PHKA1: variants seen among roughly 807,000 people sequenced by gnomAD.
PHKA1 encodes the protein phosphorylase b kinase regulatory subunit alpha, skeletal muscle isoform.
PHKA1 carries 60 observed loss-of-function variants against 110.2 expected under a neutral mutation model. The observed-to-expected ratio is 0.54, with a 90% CI of 0.44 to 0.68. The LOEUF (loss-of-function observed/expected upper bound fraction) is 0.68. Among genes scored for constraint, PHKA1 ranks in the 30% least tolerant of loss-of-function variants. PHKA1 has a pLI of 0.00. For synonymous variants in PHKA1, 316 were observed against 333.6 expected, an observed-to-expected ratio of 0.95 and a Z score of 0.58; for missense variants, 801 against 942.5, an observed-to-expected ratio of 0.85 and a Z score of 1.97.
intron 6 of PHKA1, among the ~76,000 whole-genome samples, chrX:72,674,626 T>C (rs1255051008): frequency 8.9e-6 from 1 of 112,028 alleles, no homozygotes; most frequent in African/African-American, 3.3e-5. Flanking sequence ...TGTCTGTTCA[T>C]ATCTGAAGGG....
At chrX:72,632,972 A>C (rs1199051950) in intron 16 of PHKA1, among the ~76,000 whole-genome samples, 1 of 112,235 alleles carries the variant, frequency 8.9e-6, no homozygotes, top group Non-Finnish European at 1.9e-5. Context: ...ATCAAGTACC[A>C]AAAATGCTTG....
chrX:72,644,214 A>C, intron 14 of PHKA1, 148 bp downstream of exon 14: 1 of 612,569 alleles, frequency 1.6e-6, no homozygotes, highest in Admixed American at 2.8e-5. Flanking sequence ...AGAATAGAGA[A>C]GGTAAGAAAA....
chrX:72,585,629 C>T (rs1300991287), intron 29 of PHKA1, among the ~76,000 whole-genome samples: 5 of 111,999 alleles, frequency 4.5e-5, no homozygotes, highest in East Asian at 2.8e-4. Context: ...TCACCTCACC[C>T]GGGAAGCGCA....
At chrX:72,588,725 A>G (rs1205836376) in intron 29 of PHKA1, among the ~76,000 whole-genome samples, 1 of 111,585 alleles carries the variant, frequency 9.0e-6, no homozygotes, top group African/African-American at 3.3e-5. Context: ...AATAGACACA[A>G]TAAAAAATGA....
At position 72,580,971 on chromosome X, in the gene PHKA1, A is replaced by G. The variant is rs1180001758; in HGVS notation, c.*31T>C. 1 of 1,191,152 alleles carries G rather than the reference A, an allele frequency of 8.4e-7. No individual in the cohort carries two copies. Among genetic ancestry groups the G allele is most frequent in the East Asian group, 3.0e-5 (1 of 33,618 alleles). On this transcript the variant is annotated 3_prime_UTR_variant, in exon 32 of 32. Transcript: ENST00000373542. Reference sequence around the variant, plus strand: ...CAACCGAGGCAGGGACCAGCTGTCAAAAGGCTCCCAGAAGCCAGGAACCAA... The same window carrying G: ...CAACCGAGGCAGGGACCAGCTGTCAGAAGGCTCCCAGAAGCCAGGAACCAA...
Position 72,580,656 on chromosome X carries a change from C to G in PHKA1, c.*346G>C, listed in dbSNP as rs782039620. 3 of 259,255 alleles carry G rather than the reference C, an allele frequency of 1.2e-5. No individual in the cohort carries two copies. The highest frequency in any genetic ancestry group is 1.6e-4 in the South Asian group (2 of 12,821). The allele number at this position is 259,255 out of a possible 1,213,427, so 21.4% of individuals were successfully genotyped here. A position where few individuals can be genotyped will look rare whatever the true frequency, so the allele number is the denominator to read the frequency against. On this transcript the variant is annotated 3_prime_UTR_variant, in exon 32 of 32. Coordinates refer to ENST00000373542, the MANE Select transcript of PHKA1 (RefSeq NM_002637.4). ...AGGAATAAGTTATTATTAACACTTGCTCCCCAAACAGGAGTTAGAAAACTA... is the reference window on the plus strand; with the variant it reads ...AGGAATAAGTTATTATTAACACTTGGTCCCCAAACAGGAGTTAGAAAACTA...
chrX:72,698,468 A>G (rs1556328283), intron 3 of PHKA1, among the ~76,000 whole-genome samples: 1 of 112,580 alleles, frequency 8.9e-6, no homozygotes. Context: ...TTGCCAGTAT[A>G]CATTCTTTTG....
chrX:72,617,311 G>A (rs187286786), intron 21 of PHKA1, among the ~76,000 whole-genome samples: 21 of 109,348 alleles, frequency 1.9e-4, no homozygotes, highest in Admixed American at 4.9e-4. Context: ...AGATGAAAAG[G>A]AGATATATAG....
chrX:72,593,620 C>T (rs974543561), intron 28 of PHKA1, among the ~76,000 whole-genome samples: 4 of 112,426 alleles, frequency 3.6e-5, no homozygotes, highest in East Asian at 5.6e-4. Context: ...GGATTACAGG[C>T]GTGAGCCACC....
At chrX:72,626,847 T>C (rs1433209075) in intron 17 of PHKA1, 124 bp downstream of exon 17, 62 of 571,558 alleles carry the variant, frequency 1.1e-4, no homozygotes, top group Admixed American at 9.5e-5. Context: ...AACTGAAATA[T>C]CGGAGTCAAA....
rs191405239 is a variant in PHKA1, at chrX:72,587,934, A to C, written c.3244-3632T>G. On this transcript the variant is annotated intron_variant, in intron 29 of 31. Coordinates refer to ENST00000373542, the MANE Select transcript of PHKA1 (RefSeq NM_002637.4). Reference sequence around the variant, plus strand: ...ACAGGAGCACTCAGATTCATAAAGCAAGTCCTTAGAGACCTAGAAAGAGAC... The same window carrying C: ...ACAGGAGCACTCAGATTCATAAAGCCAGTCCTTAGAGACCTAGAAAGAGAC... 1.6e-4 allele frequency among the ~76,000 whole-genome samples: 18 copies of C among 111,993 alleles called. No homozygotes were observed. In the East Asian group the frequency reaches 4.5e-3, roughly 28 times the overall value.
intron 5 of PHKA1, among the ~76,000 whole-genome samples, chrX:72,681,384 G>A (rs2053863591): frequency 8.8e-6 from 1 of 113,006 alleles, no homozygotes; most frequent in African/African-American, 3.2e-5. Flanking sequence ...ACCCCATCTG[G>A]GAGGGAGGTG....
At chrX:72,585,679 G>A (rs967422032) in intron 29 of PHKA1, among the ~76,000 whole-genome samples, 16 of 112,168 alleles carry the variant, frequency 1.4e-4, no homozygotes, top group African/African-American at 2.3e-4. Flanking sequence ...AAGGGAAGCC[G>A]TGACAGACTG....
chrX:72,660,053 G>T (rs1603265435), intron 8 of PHKA1, among the ~76,000 whole-genome samples: 1 of 112,113 alleles, frequency 8.9e-6, no homozygotes, highest in Non-Finnish European at 1.9e-5. Flanking sequence ...TGTTTTCCAA[G>T]ACTTAGGTCA....
chrX:72,626,889 A>C, intron 17 of PHKA1, 82 bp downstream of exon 17: 1 of 732,566 alleles, frequency 1.4e-6, no homozygotes, highest in Non-Finnish European at 2.2e-6. Context: ...CATACACAGA[A>C]AGGCATCACA....
At chrX:72,614,287 AAG>A (rs35637733) in intron 21 of PHKA1, among the ~76,000 whole-genome samples, 17 of 109,708 alleles carry the variant, frequency 1.5e-4, no homozygotes, top group African/African-American at 4.0e-4. Context: ...ATCAACGTGA[AAG>A]AGAGAGAGAG....
chrX:72,631,873 GTATT>G (rs1326169239), intron 16 of PHKA1, among the ~76,000 whole-genome samples: 1 of 111,498 alleles, frequency 9.0e-6, no homozygotes, highest in Non-Finnish European at 1.9e-5. Context: ...AAAAGTAGAA[GTATT>G]TAAGGATATG....
At chrX:72,641,676 G>A (rs1246943085) in intron 14 of PHKA1, among the ~76,000 whole-genome samples, 3 of 111,792 alleles carry the variant, frequency 2.7e-5, no homozygotes, top group African/African-American at 6.5e-5. Context: ...AGAGAACTCC[G>A]TTTAGTTAAC....
chrX:72,682,390 G>A (rs1311914423), intron 5 of PHKA1, among the ~76,000 whole-genome samples: 2 of 111,735 alleles, frequency 1.8e-5, no homozygotes, highest in African/African-American at 3.2e-5. Context: ...GGTGAGGGGC[G>A]CCTCTGCCCG....
Sources: gnomAD v4.1 joint callset for allele counts (sites outside exome capture counted in the v4.1 genomes callset) on GRCh38, gnomAD v4.1.1 for gene constraint, MANE v1.5 for transcripts, NCBI Gene and HGNC (gene_info 2026-07-23, HGNC 2026-07-21) for gene names.